Variants in TIAM2 observed in about 807,000 individuals in gnomAD.
TIAM2 encodes the protein rho guanine nucleotide exchange factor TIAM2.
In TIAM2, 80 loss-of-function variants were observed where a neutral mutation model predicts 152.9. That is an observed-to-expected ratio of 0.52 (90% CI 0.44 to 0.63). The LOEUF (loss-of-function observed/expected upper bound fraction) is 0.63, where lower values mean the gene tolerates loss of function less well. Ranked by LOEUF, TIAM2 falls within the 30% of genes least tolerant of loss-of-function variation. The probability of loss-of-function intolerance (pLI) is 0.00; values close to 1 mark genes in which losing one functional copy is unlikely to be tolerated. For synonymous variants in TIAM2, 804 were observed against 838.0 expected (o/e 0.96, Z 0.70); for missense variants, 1,965 against 2,120.1 (o/e 0.93, Z 1.44).
chr6:155,065,447 TG>T (rs1777672609), intron 1 of TIAM2, among the ~76,000 whole-genome samples: 1 of 152,160 alleles, frequency 6.6e-6, no homozygotes, highest in African/African-American at 2.4e-5. Context: ...ATTTCAACTG[TG>T]TTTTTTTTTA....
chr6:155,145,395 G>T (rs985473028), intron 6 of TIAM2, among the ~76,000 whole-genome samples: 1 of 152,144 alleles, frequency 6.6e-6, no homozygotes, highest in Non-Finnish European at 1.5e-5. Flanking sequence ...TGTTAGCGTT[G>T]AGTTTGTAAG....
intron 5 of TIAM2, among the ~76,000 whole-genome samples, chr6:155,142,156 G>A (rs1779725187): frequency 6.6e-6 from 1 of 152,222 alleles, no homozygotes; most frequent in South Asian, 2.1e-4. Context: ...TGACACGGGT[G>A]CAGCCCGTTT....
In TIAM2 at chr6:155,182,317, A is replaced by G. The variant is rs753371256; in HGVS notation, c.2799A>G (p.Glu933=). 1 of 1,613,872 alleles carries G rather than the reference A, an allele frequency of 6.2e-7. No individual in the cohort carries two copies. Among genetic ancestry groups the G allele is most frequent in the Non-Finnish European group, 8.5e-7 (1 of 1,179,762 alleles). ...TTCCCGATGGCCTGGCGTATGGGGA[A>G]GGTCCGTGTGGCACACCGTGCCCCT... ...DVLPDGLAYG[E]GLRKGNEIMT... Residue 933 remains glutamate (E), a splice_region_variant and synonymous_variant, in exon 13 of 27, where the codon GAA becomes GAG. Coordinates refer to ENST00000682666, the MANE Select transcript of TIAM2 (RefSeq NM_012454.4).
At chr6:155,083,365 AAAAG>A (rs1157496596) in intron 1 of TIAM2, among the ~76,000 whole-genome samples, 79 of 150,682 alleles carry the variant, frequency 5.2e-4, no homozygotes, top group African/African-American at 1.8e-3. Flanking sequence ...AAAAAAAAAA[AAAAG>A]AGAGAGAGAG....
intron 7 of TIAM2, among the ~76,000 whole-genome samples, chr6:155,163,398 A>G (rs925561522): frequency 3.5e-4 from 54 of 152,208 alleles, no homozygotes; most frequent in African/African-American, 1.2e-3. Flanking sequence ...GCATGAAGGT[A>G]ATACTTGTAG....
At chr6:155,047,697 GAGAGAGA>G (rs1562300161) in intron 1 of TIAM2, among the ~76,000 whole-genome samples, 1 of 8,412 alleles carries the variant, frequency 1.2e-4, no homozygotes, top group African/African-American at 3.4e-4. Flanking sequence ...AGGAGAGAGA[GAGAGAGA>G]GCGAGAGAGA....
rs777336597 is a variant in TIAM2 at position 155,144,741 on chromosome 6, G to C, written c.1766G>C (p.Cys589Ser). 1.2e-6 allele frequency: 2 copies of C among 1,610,232 alleles called. No individual in the cohort carries two copies. The highest frequency in any genetic ancestry group is 1.3e-5 in the African/African-American group (1 of 74,736). ...PEHPKKENVFCLSNSFGDVYL... is the reference protein window; with the variant it reads ...PEHPKKENVFSLSNSFGDVYL... ...CATCCCAAGAAAGAAAATGTGTTCTGCCTCAGCAACTCCTTTGGAGATGTC... is the reference window on the plus strand; with the variant it reads ...CATCCCAAGAAAGAAAATGTGTTCTCCCTCAGCAACTCCTTTGGAGATGTC... The change falls in exon 6 of 27, where the codon TGC becomes TCC. Residue 589 changes from cysteine (C) to serine (S), a missense_variant. Cys to Ser is a moderately radical substitution (Grantham distance 112). This residue lies in a region of TIAM2 where 1,025 missense variants were observed against 1,119.4 expected (regional missense o/e 0.92). Coordinates refer to ENST00000682666, the MANE Select transcript of TIAM2 (RefSeq NM_012454.4).
chr6:155,128,436 C>T lies in TIAM2; in HGVS notation c.-6-782C>T, dbSNP rs554445541. ...TGATAGTTTTTGAGCAAAAGTCTCT[C>T]AAAATACTGTGGAGAGATTTTAGCT... is the stretch of plus-strand genomic sequence containing the variant. On this transcript the variant is annotated intron_variant, in intron 3 of 26. Transcript: ENST00000682666. Among the ~76,000 whole-genome samples the T allele has an allele frequency of 7.2e-5, 11 of 152,166 alleles. 1 individual carries two copies. In the South Asian group the frequency reaches 2.3e-3, roughly 32 times the overall value.
In TIAM2 at chr6:155,129,555, C is replaced by T. The variant is rs1400343297; in HGVS notation, c.332C>T (p.Ser111Leu). The change falls in exon 4 of 27, where the codon TCA becomes TTA. Residue 111 changes from serine to leucine, a missense_variant. Physicochemically the swap from Ser to Leu is moderately radical, Grantham distance 145 (BLOSUM62 -2). This residue lies in a region of TIAM2 where 1,025 missense variants were observed against 1,119.4 expected (regional missense o/e 0.92). Coordinates refer to ENST00000682666, the MANE Select transcript of TIAM2 (RefSeq NM_012454.4). The surrounding 1 kb of genome is among the most constrained non-coding windows in gnomAD (Gnocchi z 4.8). ...TTCCAGGGCATCAGTGCTGCTTTCTCAACTGAGAATGGCTTCCACTCTGTT... is the reference window on the plus strand; with the variant it reads ...TTCCAGGGCATCAGTGCTGCTTTCTTAACTGAGAATGGCTTCCACTCTGTT... ...KDFQGISAAF[S>L]TENGFHSVGH... The T allele has an allele frequency of 6.2e-7, 1 of 1,614,022 alleles. No individual in the cohort carries two copies. Among genetic ancestry groups the T allele is most frequent in the Non-Finnish European group, 8.5e-7 (1 of 1,180,042 alleles).
chr6:155,060,604 C>G (rs975021559), intron 1 of TIAM2, among the ~76,000 whole-genome samples: 1 of 151,812 alleles, frequency 6.6e-6, no homozygotes, highest in Non-Finnish European at 1.5e-5. Context: ...GATTGAAAGC[C>G]CTTTTGGGGA....
At chr6:155,212,600 A>G (rs1048445799) in intron 15 of TIAM2, among the ~76,000 whole-genome samples, 2 of 152,250 alleles carry the variant, frequency 1.3e-5, no homozygotes, top group African/African-American at 4.8e-5. Context: ...GACTAACACT[A>G]TCACAAGATT....
At chr6:155,026,670 GCCTCTGGAAGTTTGGAGCTGGTGCTCA>G (rs1291960206) in intron 1 of TIAM2, among the ~76,000 whole-genome samples, 2 of 152,242 alleles carry the variant, frequency 1.3e-5, no homozygotes, top group Non-Finnish European at 2.9e-5. Flanking sequence ...CCTGGTGCCA[GCCTCTGGAAGTTTGGAGCTGGTGCTCA>G]CCTCTCCCAT....
intron 19 of TIAM2, among the ~76,000 whole-genome samples, chr6:155,246,003 T>C (rs1783304825): frequency 6.6e-6 from 1 of 152,114 alleles, no homozygotes; most frequent in Non-Finnish European, 1.5e-5. Flanking sequence ...TCTTGCCAAA[T>C]TCCTTTCTCT....
intron 15 of TIAM2, among the ~76,000 whole-genome samples, chr6:155,234,821 G>T (rs1782662511): frequency 6.6e-6 from 1 of 152,254 alleles, no homozygotes; most frequent in African/African-American, 2.4e-5. Context: ...GTCTCCAGAG[G>T]CAGGTGGCTG....
At chr6:155,250,625 G>C (rs1422053857) in intron 21 of TIAM2, 1 of 1,535,804 alleles carries the variant, frequency 6.5e-7, no homozygotes, top group East Asian at 2.4e-5. Context: ...ACGGACACTG[G>C]TAGAGTTCAT....
Position 155,257,275 on chromosome 6 carries a change from TATTTTA to T in TIAM2, c.*159_*164del. The T allele has an allele frequency of 2.4e-6, 2 of 838,130 alleles. No homozygotes were observed. The highest frequency in any genetic ancestry group is 3.7e-5 in the South Asian group (2 of 53,510). 51.9% of individuals were successfully genotyped at this position (838,130 alleles called of 1,614,324 possible). The stretch of plus-strand genomic sequence containing the variant: ...ACAAAATGGTTGTAAAGATTTAAGT[TATTTTA>T]ATTTATTGTGGATCAGAAACCTAGA... On this transcript the variant is annotated 3_prime_UTR_variant, in exon 27 of 27. Transcript: ENST00000682666.
intron 1 of TIAM2, among the ~76,000 whole-genome samples, chr6:155,016,054 G>A (rs1253540066): frequency 6.6e-6 from 1 of 151,400 alleles, no homozygotes; most frequent in African/African-American, 2.4e-5. Context: ...CTTGCTGGCA[G>A]GGGATCTTCA....
intron 14 of TIAM2, among the ~76,000 whole-genome samples, chr6:155,199,784 G>A (rs778549883): frequency 2.5e-4 from 38 of 152,232 alleles, no homozygotes; most frequent in Non-Finnish European, 4.1e-4. Flanking sequence ...CTGCGGTAGA[G>A]AACGTGTTTG....
intron 2 of TIAM2, among the ~76,000 whole-genome samples, chr6:155,105,306 A>G (rs1164206211): frequency 6.6e-6 from 1 of 150,474 alleles, no homozygotes; most frequent in African/African-American, 2.5e-5. Context: ...GCATGCCACC[A>G]CGCCCAGCTA....
Sources: allele counts gnomAD v4.1 joint callset (sites outside exome capture counted in the v4.1 genomes callset), GRCh38; gene constraint gnomAD v4.1.1; regional missense constraint gnomAD v4.1.1; non-coding constraint Gnocchi (gnomAD v3.1); transcripts MANE v1.5; gene names NCBI Gene and HGNC (gene_info 2026-07-23, HGNC 2026-07-21).